The following ZNF44 variants were observed in gnomAD, a reference collection of about 807,000 sequenced individuals.
ZNF44 encodes the protein zinc finger protein 44, also known as gonadotropin inducible transcription repressor-2.
Under a neutral mutation model 11.7 loss-of-function variants are expected in ZNF44, and 9 were observed. The observed-to-expected ratio is 0.77, with a 90% CI of 0.46 to 1.35. The LOEUF (loss-of-function observed/expected upper bound fraction) is 1.35. Ranked by LOEUF, ZNF44 falls within the 40% of genes most tolerant of loss-of-function variation. The probability of loss-of-function intolerance (pLI) is 0.00; values close to 1 mark genes in which losing one functional copy is unlikely to be tolerated. For synonymous variants in ZNF44, 224 were observed against 242.7 expected (o/e 0.92, Z 0.72); for missense variants, 696 against 743.1 (o/e 0.94, Z 0.74).
chr19:12,286,959 C>T (rs1266270777), intron 1 of ZNF44, among the ~76,000 whole-genome samples: 3 of 151,624 alleles, frequency 2.0e-5, no homozygotes, highest in Non-Finnish European at 4.4e-5. Flanking sequence ...CATTGGGCCC[C>T]ATTCCAAGAA....
upstream of ZNF44, chr19:12,237,941 T>C (rs973587918): frequency 6.6e-6 from 1 of 152,290 alleles, no homozygotes; most frequent in East Asian, 1.9e-4. Context: ...GGTTCACAAG[T>C]GTGAGCAGGC....
chr19:12,266,123 C>A (rs1295274235), intron 5 of ZNF44, among the ~76,000 whole-genome samples: 2 of 152,152 alleles, frequency 1.3e-5, no homozygotes, highest in Non-Finnish European at 2.9e-5. Flanking sequence ...ACCAGGGCCA[C>A]CCTGCGGCCA....
Position 12,273,101 on chromosome 19 carries a change from A to G in ZNF44, c.1154T>C (p.Met385Thr), listed in dbSNP as rs371745353. 1 of 1,613,922 alleles carries G rather than the reference A, an allele frequency of 6.2e-7. No homozygotes were observed. The highest frequency in any genetic ancestry group is 8.5e-7 in the Non-Finnish European group (1 of 1,179,878). The change falls in exon 4 of 4, where the codon ATG (methionine) becomes ACG (threonine). Residue 385 changes from methionine (M) to threonine (T), a missense_variant. By Grantham distance (81) the Met-to-Thr change is moderately conservative. Transcript: ENST00000355684. ...ATGAGGGCCATCTCCAGTGTGTGCC[A>G]TCATGTGTCTTCGAAAGCTTGAGCG... ...SHRSSFRRHM[M>T]AHTGDGPHKC...
chr19:12,263,668 G>A lies in ZNF44; in HGVS notation c.1912+8819C>T, dbSNP rs545847579. ...GCGCTGGGTGCAGTGGCTCACGCCT[G>A]TAATCCCAGCACTTTGGGAGGCCGA... On this transcript the variant is annotated intron_variant and NMD_transcript_variant, in intron 5 of 7. Coordinates refer to the ZNF44 transcript ENST00000393337. 8.7e-4 allele frequency among the ~76,000 whole-genome samples: 133 copies of A among 152,144 alleles called. 1 individual carries two copies. The highest frequency in any genetic ancestry group is 3.1e-3 in the African/African-American group (129 of 41,554).
At chr19:12,278,508 T>C (rs1040608679) in intron 1 of ZNF44, among the ~76,000 whole-genome samples, 5 of 152,002 alleles carry the variant, frequency 3.3e-5, no homozygotes, top group African/African-American at 1.2e-4. Context: ...GGGGGTCAGA[T>C]TGCTTAAAGG....
chr19:12,277,061 TA>T (rs1395563140), intron 1 of ZNF44, among the ~76,000 whole-genome samples: 1 of 152,142 alleles, frequency 6.6e-6, no homozygotes, highest in Non-Finnish European at 1.5e-5. Flanking sequence ...CTGTTGTAAG[TA>T]ACAAAAAAAC....
rs574264315 is a variant in ZNF44 at position 12,272,618 on chromosome 19, A to G, written c.1637T>C (p.Phe546Ser). Residue 546 changes from phenylalanine to serine, a missense_variant, in exon 4 of 4, where the codon TTC (phenylalanine) becomes TCC (serine). Transcript: ENST00000355684. ...QCRKAFFWPS[F>S]LLRHERTHTG... ...GTGAGTCCTTTCATGTCTTAGAAGG[A>G]AAGAGGGCCAAAAGAATGCTTTCCT... The G allele has an allele frequency of 6.2e-7, 1 of 1,612,860 alleles. No homozygotes were observed. Among genetic ancestry groups the G allele is most frequent in the Admixed American group, 1.7e-5 (1 of 59,812 alleles).
rs535412132 is a variant in ZNF44, at chr19:12,293,883, C to T, written c.3+809G>A. Among the ~76,000 whole-genome samples the T allele has an allele frequency of 4.6e-4, 70 of 151,376 alleles. 1 individual carries two copies. The highest frequency in any genetic ancestry group is 3.2e-3 in the Middle Eastern group (1 of 316). On this transcript the variant is annotated intron_variant, in intron 1 of 3. Coordinates refer to ENST00000355684, the MANE Select transcript of ZNF44 (RefSeq NM_016264.4). The stretch of plus-strand genomic sequence containing the variant: ...CACGAGTCTGGTTTGTGCCTAGTGA[C>T]CCTCCCACCGTCACCGTGCAGCCTC...
At chr19:12,253,119 C>A (rs1364357574) in intron 5 of ZNF44, among the ~76,000 whole-genome samples, 1 of 151,172 alleles carries the variant, frequency 6.6e-6, no homozygotes, top group Admixed American at 6.6e-5. Flanking sequence ...GAACTCCTGA[C>A]CTTAGGTGAT....
At chr19:12,224,720 C>T (rs1264875368), downstream of ZNF44, 3 of 152,138 alleles carry the variant, frequency 2.0e-5, no homozygotes, top group African/African-American at 7.2e-5. Context: ...ATAGAAAAGA[C>T]CTGAGAGAGG....
chr19:12,292,440 C>T (rs1281074295), intron 1 of ZNF44, among the ~76,000 whole-genome samples: 2 of 152,096 alleles, frequency 1.3e-5, no homozygotes, highest in African/African-American at 4.8e-5. Flanking sequence ...ATAGGATGCC[C>T]TTTACAGTTA....
downstream of ZNF44, among the ~76,000 whole-genome samples, chr19:12,225,570 C>T (rs1346016285): frequency 6.6e-6 from 1 of 152,116 alleles, no homozygotes; most frequent in African/African-American, 2.4e-5. Context: ...ATTATTCCCG[C>T]TATGAGGATA....
rs1436893185 is a variant in ZNF44 at position 12,248,749 on chromosome 19, T to C, written c.*187-71A>G. On this transcript the variant is annotated intron_variant and NMD_transcript_variant, in intron 7 of 7. Coordinates refer to the ZNF44 transcript ENST00000393337. ...TTCTCTTTATTAACTGATACTAGAA[T>C]AACTATTTTTTCCACTTTCAGGGAA... 5 of 949,806 alleles carry C rather than the reference T, an allele frequency of 5.3e-6. No individual in the cohort carries two copies. The Admixed American group carries it at 1.1e-4, about 21-fold the overall frequency. The allele number at this position is 949,806 out of a possible 1,614,324, so 58.8% of individuals were successfully genotyped here.
intron 1 of ZNF44, chr19:12,284,614 A>T (rs922956650): frequency 1.4e-6 from 1 of 732,072 alleles, no homozygotes; most frequent in African/African-American, 1.7e-5. Context: ...GCCTCTCTCA[A>T]GGACGAGGTT....
At chr19:12,245,932 C>T (rs980459457), downstream of ZNF44, among the ~76,000 whole-genome samples, 2 of 152,186 alleles carry the variant, frequency 1.3e-5, no homozygotes, top group Non-Finnish European at 2.9e-5. Flanking sequence ...TCAAGAGTTT[C>T]TTTAAAACAC....
chr19:12,259,874 T>C (rs1308174634), intron 5 of ZNF44, among the ~76,000 whole-genome samples: 1 of 152,222 alleles, frequency 6.6e-6, no homozygotes, highest in Admixed American at 6.5e-5. Context: ...TTTAGGGTCT[T>C]GGGAAAGCTT....
At chr19:12,276,313 A>G in intron 1 of ZNF44, 1 of 602,368 alleles carries the variant, frequency 1.7e-6, no homozygotes, top group Admixed American at 2.2e-5. Flanking sequence ...TTATTGGTGA[A>G]TTATGCAAGT....
At chr19:12,285,638 C>G (rs1368301872) in intron 1 of ZNF44, among the ~76,000 whole-genome samples, 2 of 152,142 alleles carry the variant, frequency 1.3e-5, no homozygotes, top group African/African-American at 4.8e-5. Flanking sequence ...GCAATGTTCC[C>G]CCATGTGTTG....
rs567795476 is a variant in ZNF44, at chr19:12,229,094, C to G, written n.436+1366G>C. Among the ~76,000 whole-genome samples, 7 of 152,264 alleles carry G rather than the reference C, an allele frequency of 4.6e-5. No homozygotes were observed. The South Asian group carries it at 1.5e-3, about 32-fold the overall frequency. On this transcript the variant is annotated intron_variant and non_coding_transcript_variant, in intron 3 of 3. Transcript: ENST00000597563. ...TTCCCTTAAAAATATTTGATTTAAG[C>G]ACTTATTTTTTTTGCCAATTATAAT... is the stretch of plus-strand genomic sequence containing the variant.
Sources: gnomAD v4.1 joint callset for allele counts (sites outside exome capture counted in the v4.1 genomes callset) on GRCh38, gnomAD v4.1.1 for gene constraint, MANE v1.5 for transcripts, NCBI Gene and HGNC (gene_info 2026-07-23, HGNC 2026-07-21) for gene names.